Variants in ULK4 observed in about 807,000 individuals in gnomAD.
ULK4 encodes the protein unc-51 like kinase 4.
A neutral mutation model predicts 160.6 loss-of-function variants in ULK4; 133 were observed. That is an observed-to-expected ratio of 0.83 (90% CI 0.72 to 0.96). The LOEUF is 0.96. ULK4 is among the 40% of genes least tolerant of loss of function. The pLI is 0.00. For missense variants in ULK4, 1,580 were observed against 1,499.5 expected, an observed-to-expected ratio of 1.05 and a Z score of -0.89; for synonymous variants, 534 against 539.8, an observed-to-expected ratio of 0.99 and a Z score of 0.15.
At chr3:41,586,076 G>A (rs1455207185) in intron 31 of ULK4, among the ~76,000 whole-genome samples, 1 of 152,172 alleles carries the variant, frequency 6.6e-6, no homozygotes, top group African/African-American at 2.4e-5. Flanking sequence ...AACCATTATG[G>A]AAAACAGTAT....
At chr3:41,638,593 A>T (rs2034054482) in intron 30 of ULK4, among the ~76,000 whole-genome samples, 1 of 152,272 alleles carries the variant, frequency 6.6e-6, no homozygotes, top group African/African-American at 2.4e-5. Context: ...AAAATGTACC[A>T]AGCAAGTCAC....
rs868108188 is a variant in ULK4, at chr3:41,931,728, C to T, written c.541+116G>A. The T allele has an allele frequency of 7.8e-6, 10 of 1,282,962 alleles. No individual in the cohort carries two copies. In the Middle Eastern group the frequency reaches 1.4e-3, roughly 174 times the overall value. 79.5% of individuals were successfully genotyped at this position (1,282,962 alleles called of 1,614,324 possible). ...CCAGACTATGTCTGCTGGTCATTAC[C>T]ATTTTCAATATCTTATTTGAGTGGC... On this transcript the variant is annotated intron_variant, in intron 5 of 36. Transcript: ENST00000301831.
intron 35 of ULK4, among the ~76,000 whole-genome samples, chr3:41,371,710 G>A (rs2125783752): frequency 6.6e-6 from 1 of 152,172 alleles, no homozygotes; most frequent in Admixed American, 6.5e-5. Context: ...CAAAAAGGAT[G>A]AAAATTCCAA....
chr3:41,365,446 T>G (rs2081237010), intron 35 of ULK4, among the ~76,000 whole-genome samples: 2 of 152,192 alleles, frequency 1.3e-5, no homozygotes, highest in African/African-American at 4.8e-5. Context: ...ACAACTAATG[T>G]TTTTGCTGCA....
intron 21 of ULK4, among the ~76,000 whole-genome samples, chr3:41,755,597 G>A (rs2125899748): frequency 6.6e-6 from 1 of 152,024 alleles, no homozygotes; most frequent in Non-Finnish European, 1.5e-5. Context: ...GTGGTCTAAG[G>A]ACCACCATCA....
At chr3:41,884,055 T>C in intron 16 of ULK4, 103 bp from the exon 17 acceptor site, 1 of 824,318 alleles carries the variant, frequency 1.2e-6, no homozygotes. Flanking sequence ...GATATAAGAC[T>C]GAGAAATAAA....
At chr3:41,438,253 A>G (rs914484979) in intron 34 of ULK4, among the ~76,000 whole-genome samples, 16 of 152,162 alleles carry the variant, frequency 1.1e-4, no homozygotes, top group Non-Finnish European at 2.1e-4. Flanking sequence ...ACACATATAT[A>G]AAGTGTGACA....
At chr3:41,317,337 A>C (rs1265666324) in intron 35 of ULK4, among the ~76,000 whole-genome samples, 1 of 151,962 alleles carries the variant, frequency 6.6e-6, no homozygotes, top group Non-Finnish European at 1.5e-5. Context: ...GGCCTCCCAA[A>C]GTGCTGGGGT....
chr3:41,506,769 T>TATATATATATATAA (rs2085398553), intron 32 of ULK4, among the ~76,000 whole-genome samples: 5 of 31,608 alleles, frequency 1.6e-4, no homozygotes, highest in Admixed American at 6.2e-4. Flanking sequence ...TGATTTAAAA[T>TATATATATATATAA]ATATATATAT....
At chr3:41,558,774 A>G (rs1559392720) in intron 32 of ULK4, among the ~76,000 whole-genome samples, 1 of 151,580 alleles carries the variant, frequency 6.6e-6, no homozygotes, top group Non-Finnish European at 1.5e-5. Context: ...GGGCGGGGGG[A>G]AATTAGAACA....
chr3:41,629,682 A>G (rs2033669998), intron 30 of ULK4, among the ~76,000 whole-genome samples: 1 of 152,166 alleles, frequency 6.6e-6, no homozygotes, highest in African/African-American at 2.4e-5. Context: ...TCTGCAACAA[A>G]TAGAAAAATT....
chr3:41,791,438 T>C (rs2040147440), intron 20 of ULK4, among the ~76,000 whole-genome samples: 1 of 152,222 alleles, frequency 6.6e-6, no homozygotes, highest in Non-Finnish European at 1.5e-5. Flanking sequence ...CCTCAATCTT[T>C]ATGAAAATGC....
chr3:41,264,473 G>A (rs1243707850), intron 35 of ULK4, among the ~76,000 whole-genome samples: 1 of 152,190 alleles, frequency 6.6e-6, no homozygotes, highest in East Asian at 1.9e-4. Context: ...CTGTTGGGGT[G>A]GGCATGCCAC....
intron 22 of ULK4, among the ~76,000 whole-genome samples, chr3:41,726,259 TA>T (rs2037647212): frequency 6.6e-6 from 1 of 152,082 alleles, no homozygotes; most frequent in Non-Finnish European, 1.5e-5. Context: ...CTGGGAGAAA[TA>T]AAAAACTAAT....
chr3:41,828,843 T>A (rs936608126), intron 18 of ULK4, among the ~76,000 whole-genome samples: 1 of 152,080 alleles, frequency 6.6e-6, no homozygotes, highest in African/African-American at 2.4e-5. Flanking sequence ...GCCAAGTCAA[T>A]CCTAAGCCAA....
intron 34 of ULK4, among the ~76,000 whole-genome samples, chr3:41,430,671 TTA>T (rs2082883911): frequency 6.6e-6 from 1 of 152,232 alleles, no homozygotes; most frequent in Non-Finnish European, 1.5e-5. Context: ...AGTAATATAA[TTA>T]TAGAACATGC....
At chr3:41,536,336 T>C (rs995589418) in intron 32 of ULK4, among the ~76,000 whole-genome samples, 3 of 150,636 alleles carry the variant, frequency 2.0e-5, no homozygotes, top group African/African-American at 7.4e-5. Flanking sequence ...GTTGCCTTGT[T>C]TCACATTTCT....
At chr3:41,337,679 C>T (rs1002864267) in intron 35 of ULK4, among the ~76,000 whole-genome samples, 6 of 152,202 alleles carry the variant, frequency 3.9e-5, no homozygotes, top group Non-Finnish European at 5.9e-5. Flanking sequence ...CAATATGCTG[C>T]GGTACTGCTG....
intron 8 of ULK4, among the ~76,000 whole-genome samples, chr3:41,914,259 C>T (rs936235067): frequency 2.6e-5 from 4 of 152,160 alleles, no homozygotes; most frequent in African/African-American, 9.6e-5. Flanking sequence ...AATAAAATTA[C>T]TTCAATCAAA....
Sources: allele counts gnomAD v4.1 joint callset (sites outside exome capture counted in the v4.1 genomes callset), GRCh38; gene constraint gnomAD v4.1.1; transcripts MANE v1.5; gene names NCBI Gene and HGNC (gene_info 2026-07-23, HGNC 2026-07-21).